The following PPP1R1C variants were observed in gnomAD, a reference collection of about 807,000 sequenced individuals.
PPP1R1C encodes protein phosphatase 1 regulatory inhibitor subunit 1C.
Under a neutral mutation model 17.4 loss-of-function variants are expected in PPP1R1C, and 15 were observed. That is an observed-to-expected ratio of 0.86 (90% confidence interval 0.58 to 1.33). PPP1R1C has a LOEUF of 1.33. Ranked by LOEUF, PPP1R1C falls within the 40% of genes most tolerant of loss-of-function variation. The pLI, the probability that PPP1R1C is intolerant of heterozygous loss-of-function variation, is 0.00. For synonymous variants in PPP1R1C, 35 were observed against 43.1 expected (o/e 0.81, Z 0.73); for missense variants, 143 against 130.0 (o/e 1.10, Z -0.48).
At chr2:181,966,748 A>C (rs1684912059) in intron 1 of PPP1R1C, among the ~76,000 whole-genome samples, 1 of 152,086 alleles carries the variant, frequency 6.6e-6, no homozygotes, top group South Asian at 2.1e-4. Flanking sequence ...ATATTCAGAG[A>C]TATTGACCTG....
chr2:182,072,043 A>G (rs1011869258), intron 4 of PPP1R1C, among the ~76,000 whole-genome samples: 8 of 152,224 alleles, frequency 5.3e-5, no homozygotes, highest in African/African-American at 1.9e-4. Context: ...TGTGTGAATA[A>G]GCATGTGGTT....
intron 2 of PPP1R1C, among the ~76,000 whole-genome samples, chr2:182,056,821 T>C (rs1687697546): frequency 6.6e-6 from 1 of 152,166 alleles, no homozygotes; most frequent in Non-Finnish European, 1.5e-5. Flanking sequence ...AATAGATATC[T>C]TCTCAATCTC....
At chr2:182,092,394 T>C (rs781376834) in intron 4 of PPP1R1C, among the ~76,000 whole-genome samples, 1 of 151,972 alleles carries the variant, frequency 6.6e-6, no homozygotes, top group Non-Finnish European at 1.5e-5. Context: ...CAAGATGAGA[T>C]TTGGGTGGGG....
At chr2:181,983,752 GTTA>G (rs1559045044), upstream of PPP1R1C, among the ~76,000 whole-genome samples, 1 of 152,186 alleles carries the variant, frequency 6.6e-6, no homozygotes, top group Non-Finnish European at 1.5e-5. Flanking sequence ...CATGTAGGTA[GTTA>G]TTATGATAAA....
intron 1 of PPP1R1C, chr2:181,954,783 A>G (rs1207135189): frequency 6.6e-6 from 1 of 152,242 alleles, no homozygotes; most frequent in African/African-American, 2.4e-5. Flanking sequence ...AACTCTTTCT[A>G]TGATATCTTC....
intron 4 of PPP1R1C, among the ~76,000 whole-genome samples, chr2:182,108,628 T>G (rs1163173355): frequency 6.6e-6 from 1 of 152,214 alleles, no homozygotes; most frequent in Non-Finnish European, 1.5e-5. Flanking sequence ...TGGCATCAGA[T>G]ATTCCATATA....
At chr2:181,979,772 C>T (rs1473521052) in intron 2 of PPP1R1C, among the ~76,000 whole-genome samples, 3 of 152,200 alleles carry the variant, frequency 2.0e-5, no homozygotes, top group Non-Finnish European at 4.4e-5. Context: ...ATGTAAAAAT[C>T]ACTTCTTTGC....
intron 2 of PPP1R1C, among the ~76,000 whole-genome samples, chr2:182,043,036 G>T (rs1317621786): frequency 6.6e-6 from 1 of 152,126 alleles, no homozygotes; most frequent in Non-Finnish European, 1.5e-5. Context: ...TGCAAACAAT[G>T]AGCCACCAGA....
At chr2:181,955,639 T>C (rs1684658092) in intron 1 of PPP1R1C, among the ~76,000 whole-genome samples, 1 of 152,214 alleles carries the variant, frequency 6.6e-6, no homozygotes, top group Admixed American at 6.5e-5. Flanking sequence ...TTGATAATAA[T>C]ATATTTTCAA....
chr2:182,114,549 T>C (rs921713302), intron 4 of PPP1R1C, among the ~76,000 whole-genome samples: 3 of 152,172 alleles, frequency 2.0e-5, no homozygotes, highest in African/African-American at 7.2e-5. Context: ...TGAATATTGA[T>C]GACAGGAAAA....
At chr2:181,972,458 T>C (rs376557284) in intron 1 of PPP1R1C, among the ~76,000 whole-genome samples, 3 of 152,088 alleles carry the variant, frequency 2.0e-5, no homozygotes, top group Admixed American at 1.3e-4. Flanking sequence ...TATTCATCCA[T>C]TATATAAATT....
At chr2:182,064,374 C>A (rs1026021599) in intron 4 of PPP1R1C, among the ~76,000 whole-genome samples, 1 of 152,064 alleles carries the variant, frequency 6.6e-6, no homozygotes, top group East Asian at 1.9e-4. Flanking sequence ...AACATCAGTT[C>A]CAGGGAAAGC....
At chr2:182,081,873 G>T (rs13395058) in intron 4 of PPP1R1C, among the ~76,000 whole-genome samples, 84,517 of 151,932 alleles carry the variant, frequency 0.56, 23,943 homozygotes, top group Non-Finnish European at 0.61. Context: ...TACCAATTCC[G>T]TATGTCCACA....
chr2:182,122,090 C>T (rs1030866542), downstream of PPP1R1C, among the ~76,000 whole-genome samples: 4 of 152,196 alleles, frequency 2.6e-5, no homozygotes, highest in African/African-American at 9.6e-5. Flanking sequence ...ATTTTTCTAT[C>T]CTCTTATACG....
intron 4 of PPP1R1C, among the ~76,000 whole-genome samples, chr2:182,084,258 G>A (rs902829312): frequency 2.0e-5 from 3 of 151,946 alleles, no homozygotes; most frequent in Non-Finnish European, 4.4e-5. Context: ...CTGTGCAGGA[G>A]CTTTTTAGTT....
intron 1 of PPP1R1C, among the ~76,000 whole-genome samples, chr2:181,963,815 A>T (rs957039073): frequency 2.6e-5 from 4 of 151,714 alleles, no homozygotes; most frequent in Non-Finnish European, 4.4e-5. Context: ...TTTTAATTTT[A>T]AAAAAAATTT....
chr2:182,053,461 G>A (rs1444882335), intron 2 of PPP1R1C, among the ~76,000 whole-genome samples: 1 of 152,120 alleles, frequency 6.6e-6, no homozygotes, highest in African/African-American at 2.4e-5. Context: ...AACTTAGTGG[G>A]TAGAAAAATA....
intron 2 of PPP1R1C, among the ~76,000 whole-genome samples, chr2:182,027,745 T>A (rs1196763681): frequency 6.6e-6 from 1 of 151,066 alleles, no homozygotes; most frequent in Admixed American, 6.6e-5. Context: ...TAGGGAGGAG[T>A]CCCTCTTTTT....
At chr2:181,958,345 T>C (rs924473515) in intron 1 of PPP1R1C, among the ~76,000 whole-genome samples, 1 of 152,218 alleles carries the variant, frequency 6.6e-6, no homozygotes, top group Non-Finnish European at 1.5e-5. Context: ...TGGCACTTCC[T>C]GCTATAAGTA....
Sources: allele counts gnomAD v4.1 joint callset (sites outside exome capture counted in the v4.1 genomes callset), GRCh38; gene constraint gnomAD v4.1.1; transcripts MANE v1.5; gene names NCBI Gene and HGNC (gene_info 2026-07-23, HGNC 2026-07-21).